The following SPATA4 variants were observed in gnomAD, a reference collection of about 807,000 sequenced individuals.
The protein encoded by SPATA4 is spermatogenesis associated 4.
Under a neutral mutation model 31.8 loss-of-function variants are expected in SPATA4, and 35 were observed. The observed-to-expected ratio is 1.10, with a 90% CI of 0.84 to 1.46. The LOEUF is 1.46. SPATA4 is among the 40% of genes most tolerant of loss of function. SPATA4 has a pLI of 0.00. For missense variants in SPATA4, 394 were observed against 363.1 expected, an observed-to-expected ratio of 1.09 and a Z score of -0.69; for synonymous variants, 126 against 132.4, an observed-to-expected ratio of 0.95 and a Z score of 0.33.
chr4:176,187,380 G>T (rs1282588378), intron 5 of SPATA4, among the ~76,000 whole-genome samples: 1 of 151,956 alleles, frequency 6.6e-6, no homozygotes, highest in Non-Finnish European at 1.5e-5. Flanking sequence ...CGAGGAGGGT[G>T]GACTGCCTGA....
In SPATA4 at chr4:176,193,481, T is replaced by G. The variant is rs769911385; in HGVS notation, c.320A>C (p.Lys107Thr). 5.6e-6 allele frequency: 9 copies of G among 1,613,784 alleles called. No individual in the cohort carries two copies. The highest frequency in any genetic ancestry group is 6.8e-6 in the Non-Finnish European group (8 of 1,179,950). The change falls in exon 2 of 6, where the codon AAG becomes ACG. Residue 107 changes from lysine (K) to threonine (T), a missense_variant. Transcript: ENST00000280191. ...CTCCAACTGTGCCCAGTTATCCAAC[T>G]TGACTTTTAAAGAGGTCCCGTTTTC... Reference protein sequence around the residue: ...SFENGTSLKVKLDNWAQLEKF... With the variant: ...SFENGTSLKVTLDNWAQLEKF...
At chr4:176,193,721 G>A (rs1752569605) in intron 1 of SPATA4, 139 bp from the exon 2 acceptor site, 1 of 888,316 alleles carries the variant, frequency 1.1e-6, no homozygotes, top group African/African-American at 1.7e-5. Flanking sequence ...GCTCTAAGGA[G>A]AACCTACTGT....
intron 4 of SPATA4, among the ~76,000 whole-genome samples, chr4:176,189,913 G>GCT (rs1011421145): frequency 6.6e-6 from 1 of 152,192 alleles, no homozygotes; most frequent in Non-Finnish European, 1.5e-5. Context: ...CAAGAGCTGA[G>GCT]CTCTCTGAGT....
intron 2 of SPATA4, 26 bp from the exon 3 acceptor site, chr4:176,193,102 T>C (rs529244501): frequency 7.2e-7 from 1 of 1,391,618 alleles, no homozygotes; most frequent in African/African-American, 1.5e-5. Context: ...GAAAATGTTT[T>C]TATCATAAGA....
At chr4:176,191,323 T>G (rs544130201) in intron 4 of SPATA4, among the ~76,000 whole-genome samples, 9 of 152,300 alleles carry the variant, frequency 5.9e-5, no homozygotes, top group Admixed American at 5.9e-4. Context: ...CTCAAACTTT[T>G]GACCTCGTGA....
chr4:176,194,752 T>TGAGACAGA (rs1491556231), intron 1 of SPATA4: 58 of 96,798 alleles, frequency 6.0e-4, no homozygotes, highest in African/African-American at 2.3e-3. Context: ...TTTTTTTTTT[T>TGAGACAGA]GAGACAGAGT....
chr4:176,189,528 TAAC>T (rs1472288743), intron 4 of SPATA4, among the ~76,000 whole-genome samples: 2 of 151,860 alleles, frequency 1.3e-5, no homozygotes, highest in Non-Finnish European at 1.5e-5. Context: ...AATAAATTCA[TAAC>T]AATAAATCAC....
At chr4:176,195,231 G>A (rs181117492) in intron 1 of SPATA4, 114 bp downstream of exon 1, 2 of 881,316 alleles carry the variant, frequency 2.3e-6, no homozygotes, top group African/African-American at 1.7e-5. Flanking sequence ...GTGGGTGGGG[G>A]GGTCTTGATT....
At chr4:176,190,972 C>T (rs1479517849) in intron 4 of SPATA4, among the ~76,000 whole-genome samples, 3 of 151,134 alleles carry the variant, frequency 2.0e-5, no homozygotes, top group African/African-American at 7.3e-5. Context: ...GCTCATTCTG[C>T]CTACTACAGA....
At chr4:176,185,195 T>C (rs574642828) in intron 5 of SPATA4, among the ~76,000 whole-genome samples, 25 of 152,308 alleles carry the variant, frequency 1.6e-4, no homozygotes, top group Non-Finnish European at 3.5e-4. Flanking sequence ...AGAAAGCAGC[T>C]GAGGCAACAG....
intron 5 of SPATA4, among the ~76,000 whole-genome samples, chr4:176,187,237 G>T (rs1297077837): frequency 6.6e-6 from 1 of 152,176 alleles, no homozygotes; most frequent in Admixed American, 6.5e-5. Flanking sequence ...GGCATAAAAT[G>T]AGCAGGAGTG....
rs143816581 is a variant in SPATA4 at position 176,195,497 on chromosome 4, C to T, written c.66G>A (p.Pro22=). 9.9e-6 allele frequency: 16 copies of T among 1,614,144 alleles called. No individual in the cohort carries two copies. Among genetic ancestry groups the T allele is most frequent in the Middle Eastern group, 1.6e-4 (1 of 6,084 alleles). The part of the protein sequence containing the change: ...TQTAAALDKS[P]SLSPQLAAPI... ...GAGCTGCTAGCTGTGGCGAAAGTGA[C>T]GGTGACTTGTCTAGGGCTGCCGCAG... The change falls in exon 1 of 6, where the codon CCG becomes CCA. Residue 22 remains proline (P), a synonymous_variant. Transcript: ENST00000280191.
chr4:176,191,213 A>C (rs1162625073), intron 4 of SPATA4, among the ~76,000 whole-genome samples: 1 of 151,058 alleles, frequency 6.6e-6, no homozygotes, highest in East Asian at 1.9e-4. Context: ...CTCCTGCTTC[A>C]GCCTCCCCAG....
chr4:176,195,362 G>T lies in SPATA4; in HGVS notation c.201C>A (p.Phe67Leu). ...TCAAGCACCTGTTGATGTTCCTGGG[G>T]AAGAAGCTGAGATCCAGACCCTGAA... is the stretch of plus-strand genomic sequence containing the variant. ...RWLQGLDLSF[F>L]PRNINRDFSN... Residue 67 changes from phenylalanine to leucine, a missense_variant, in exon 1 of 6, where the codon TTC becomes TTA. By Grantham distance (22) the Phe-to-Leu change is conservative (BLOSUM62 0). Coordinates refer to ENST00000280191, the MANE Select transcript of SPATA4 (RefSeq NM_144644.4). The T allele has an allele frequency of 1.2e-6, 2 of 1,614,142 alleles. No homozygotes were observed. The highest frequency in any genetic ancestry group is 1.7e-6 in the Non-Finnish European group (2 of 1,180,024).
At chr4:176,194,438 C>T (rs1036085821) in intron 1 of SPATA4, 11 of 152,124 alleles carry the variant, frequency 7.2e-5, no homozygotes, top group African/African-American at 2.7e-4. Flanking sequence ...GGATGGAAGA[C>T]ATAAACAGAA....
At chr4:176,191,126 C>T (rs1381835121) in intron 4 of SPATA4, among the ~76,000 whole-genome samples, 1 of 143,026 alleles carries the variant, frequency 7.0e-6, no homozygotes, top group Non-Finnish European at 1.5e-5. Flanking sequence ...GACAGAGTCT[C>T]ACTTTATCAC....
chr4:176,185,123 C>A (rs908785995), intron 5 of SPATA4, among the ~76,000 whole-genome samples: 9 of 152,116 alleles, frequency 5.9e-5, no homozygotes, highest in African/African-American at 7.2e-5. Context: ...CTAAAAATCT[C>A]CAGGGCTTAT....
intron 4 of SPATA4, among the ~76,000 whole-genome samples, chr4:176,188,613 T>C (rs145470324): frequency 1.7e-3 from 260 of 152,294 alleles, no homozygotes; most frequent in African/African-American, 6.1e-3. Flanking sequence ...AGCCCCCTCA[T>C]GTCTTTCCAA....
In SPATA4 at chr4:176,193,528, C is replaced by T. The variant is rs756935131; in HGVS notation, c.273G>A (p.Trp91Ter). 12 of 1,613,310 alleles carry T rather than the reference C, an allele frequency of 7.4e-6. No individual in the cohort carries two copies. Among genetic ancestry groups the T allele is most frequent in the South Asian group, 1.1e-5 (1 of 91,022 alleles). The change falls in exon 2 of 6, where the codon TGG becomes TGA. Residue 91 changes from tryptophan (W) to a stop codon, truncating the protein, a stop_gained. Coordinates refer to ENST00000280191, the MANE Select transcript of SPATA4 (RefSeq NM_144644.4). LOFTEE classifies it high-confidence loss of function. ...IAEIFCIYYP[W>*]ELELSSFENG... ...TTTCAAAGGATGATAATTCAAGTTCCCAGGGGTAATATATACAGAATATTT... is the reference window on the plus strand; with the variant it reads ...TTTCAAAGGATGATAATTCAAGTTCTCAGGGGTAATATATACAGAATATTT...
Sources: allele counts gnomAD v4.1 joint callset (sites outside exome capture counted in the v4.1 genomes callset), GRCh38; gene constraint gnomAD v4.1.1; transcripts MANE v1.5; gene names NCBI Gene and HGNC (gene_info 2026-07-23, HGNC 2026-07-21).